Variants in PREX2 observed in about 807,000 individuals in gnomAD.
PREX2 encodes phosphatidylinositol 3,4,5-trisphosphate-dependent Rac exchanger 2 protein.
In PREX2, 107 loss-of-function variants were observed where a neutral mutation model predicts 203.2. The ratio of observed to expected loss-of-function variants is 0.53; its 90% CI spans 0.45 to 0.62. The LOEUF (loss-of-function observed/expected upper bound fraction) is 0.62, where lower values mean the gene tolerates loss of function less well. Among genes scored for constraint, PREX2 ranks in the 20% least tolerant of loss-of-function variants. The pLI is 0.00. For missense variants in PREX2, 1,777 were observed against 1,955.9 expected (o/e 0.91, Z 1.72); for synonymous variants, 672 against 663.6 (o/e 1.01, Z -0.19).
At chr8:68,206,027 AG>A (rs1159693622) in intron 37 of PREX2, among the ~76,000 whole-genome samples, 1 of 152,184 alleles carries the variant, frequency 6.6e-6, no homozygotes, top group Non-Finnish European at 1.5e-5. Context: ...GCTGAGACCA[AG>A]CTTGTGATTG....
rs1028193201 is a variant in PREX2 at position 68,232,751 on chromosome 8, G to A, written c.*1373G>A. ...CTCTTGCCTCAGCCTCCCAGGAGCT[G>A]GGACTACAGGTGTGCACCACCATGC... On this transcript the variant is annotated 3_prime_UTR_variant, in exon 40 of 40. Transcript: ENST00000288368. The A allele has an allele frequency of 6.6e-6, 1 of 152,070 alleles. No homozygotes were observed. Among genetic ancestry groups the A allele is most frequent in the Non-Finnish European group, 1.5e-5 (1 of 68,046 alleles). 9.4% of individuals were successfully genotyped at this position (152,070 alleles called of 1,614,324 possible). A position where few individuals can be genotyped will look rare whatever the true frequency, so the allele number is the denominator to read the frequency against.
chr8:67,952,548 G>A lies in PREX2; in HGVS notation c.141+13G>A, dbSNP rs769757984. The A allele has an allele frequency of 6.2e-6, 10 of 1,606,528 alleles. No individual in the cohort carries two copies. The East Asian group carries it at 1.6e-4, about 25-fold the overall frequency. On this transcript the variant is annotated intron_variant, in intron 1 of 39. Transcript: ENST00000288368. ...GTTCCTGGTGTCGGTGAGTGTCCCC[G>A]GCAGACGCAGGGGGACGTCCGGGCG...
chr8:68,173,454 C>A lies in PREX2; in HGVS notation c.4346+16018C>A, dbSNP rs1811918502. On this transcript the variant is annotated intron_variant, in intron 35 of 39. Coordinates refer to ENST00000288368, the MANE Select transcript of PREX2 (RefSeq NM_024870.4). ...GTATAATTCTATGAAACCTTGCCAC[C>A]ATTGCTTTACTGAGAATGTGATATA... is the stretch of plus-strand genomic sequence containing the variant. Among the ~76,000 whole-genome samples the A allele has an allele frequency of 3.3e-5, 5 of 152,118 alleles. No individual in the cohort carries two copies. In the South Asian group the frequency reaches 1.0e-3, roughly 32 times the overall value.
At chr8:68,161,031 CAAGAT>C (rs1811642535) in intron 35 of PREX2, among the ~76,000 whole-genome samples, 1 of 152,076 alleles carries the variant, frequency 6.6e-6, no homozygotes, top group Non-Finnish European at 1.5e-5. Flanking sequence ...TTTGACCACA[CAAGAT>C]AAGATTTTCA....
intron 8 of PREX2, among the ~76,000 whole-genome samples, chr8:68,051,359 A>G (rs1808522069): frequency 6.6e-6 from 1 of 152,072 alleles, no homozygotes; most frequent in Non-Finnish European, 1.5e-5. Context: ...ATGAGTGGCC[A>G]TGTGGGATCT....
rs116775081 is a variant in PREX2 at position 68,126,728 on chromosome 8, G to T, written c.3725-650G>T. Among the ~76,000 whole-genome samples, 778 of 152,018 alleles carry T rather than the reference G, an allele frequency of 5.1e-3. 10 individuals carry two copies. Among genetic ancestry groups the T allele is most frequent in the African/African-American group, 0.018 (749 of 41,508 alleles). ...GCACATAAACTATAATTATTTGTTA[G>T]TTGGAAACAAATGGACATGTAACTC... On this transcript the variant is annotated intron_variant, in intron 30 of 39. Coordinates refer to ENST00000288368, the MANE Select transcript of PREX2 (RefSeq NM_024870.4).
intron 37 of PREX2, among the ~76,000 whole-genome samples, chr8:68,203,732 G>C (rs1376059096): frequency 6.6e-6 from 1 of 152,104 alleles, no homozygotes. Context: ...CCCGTCCTCT[G>C]TGCACCCTGA....
intron 1 of PREX2, among the ~76,000 whole-genome samples, chr8:67,970,921 C>T (rs1038531860): frequency 9.2e-5 from 14 of 152,124 alleles, no homozygotes; most frequent in African/African-American, 2.2e-4. Flanking sequence ...TTTCATCTGT[C>T]GTTCTAGTAA....
intron 25 of PREX2, among the ~76,000 whole-genome samples, chr8:68,112,457 T>C (rs1445082556): frequency 6.6e-6 from 1 of 151,996 alleles, no homozygotes; most frequent in East Asian, 1.9e-4. Flanking sequence ...AAACCACACT[T>C]TAAGACAGTT....
chr8:67,997,555 A>G (rs1405468743), intron 1 of PREX2, among the ~76,000 whole-genome samples: 2 of 152,196 alleles, frequency 1.3e-5, no homozygotes, highest in African/African-American at 4.8e-5. Context: ...TAAGTTGTCT[A>G]ACTTTCCTTT....
At chr8:68,023,240 A>C (rs767200728) in intron 4 of PREX2, among the ~76,000 whole-genome samples, 8 of 152,168 alleles carry the variant, frequency 5.3e-5, no homozygotes, top group Non-Finnish European at 1.2e-4. Context: ...TGCCATATTT[A>C]CTGGCAATGC....
intron 1 of PREX2, among the ~76,000 whole-genome samples, chr8:67,978,114 T>C (rs1260930877): frequency 2.0e-5 from 3 of 152,124 alleles, no homozygotes; most frequent in Non-Finnish European, 4.4e-5. Context: ...GACCGAGCCC[T>C]CAACCTGTGG....
chr8:68,036,131 G>A (rs1808022901), intron 6 of PREX2, among the ~76,000 whole-genome samples: 1 of 152,104 alleles, frequency 6.6e-6, no homozygotes, highest in African/African-American at 2.4e-5. Flanking sequence ...ATATTAGCAA[G>A]GGGCTTGAGA....
intron 33 of PREX2, among the ~76,000 whole-genome samples, chr8:68,139,823 A>C (rs1242902543): frequency 6.6e-6 from 1 of 152,236 alleles, no homozygotes; most frequent in Admixed American, 6.5e-5. Context: ...TATTTATTCA[A>C]GAATTTTTCT....
chr8:68,164,125 T>A (rs887838633), intron 35 of PREX2, among the ~76,000 whole-genome samples: 1 of 152,090 alleles, frequency 6.6e-6, no homozygotes, highest in Admixed American at 6.6e-5. Context: ...TCTTAAACAG[T>A]CTGAGTCATT....
At chr8:67,997,908 G>A (rs1395104086) in intron 1 of PREX2, among the ~76,000 whole-genome samples, 2 of 151,982 alleles carry the variant, frequency 1.3e-5, no homozygotes, top group Non-Finnish European at 2.9e-5. Flanking sequence ...CCATTTAGAT[G>A]CTATTATAAA....
At chr8:68,039,715 G>A (rs554320104) in intron 7 of PREX2, among the ~76,000 whole-genome samples, 63 of 152,130 alleles carry the variant, frequency 4.1e-4, no homozygotes, top group African/African-American at 1.4e-3. Flanking sequence ...CAAAAATTAC[G>A]AGTTAGCCTT....
chr8:68,158,309 A>G (rs1811586971), intron 35 of PREX2, among the ~76,000 whole-genome samples: 1 of 151,948 alleles, frequency 6.6e-6, no homozygotes, highest in Non-Finnish European at 1.5e-5. Flanking sequence ...CAAAAATACT[A>G]TTTTGACATT....
chr8:68,102,706 T>C, intron 23 of PREX2: 1 of 380,040 alleles, frequency 2.6e-6, no homozygotes, highest in Non-Finnish European at 5.2e-6. Flanking sequence ...ATGCTGGCTT[T>C]ACCTTATTTT....
Sources: gnomAD v4.1 joint callset for allele counts (sites outside exome capture counted in the v4.1 genomes callset) on GRCh38, gnomAD v4.1.1 for gene constraint, MANE v1.5 for transcripts, NCBI Gene and HGNC (gene_info 2026-07-23, HGNC 2026-07-21) for gene names.